The following PPHLN1 variants were observed in gnomAD, a reference collection of about 807,000 sequenced individuals.
PPHLN1 encodes the protein periphilin 1.
Under a neutral mutation model 51.3 loss-of-function variants are expected in PPHLN1, and 29 were observed. The ratio of observed to expected loss-of-function variants is 0.57; its 90% confidence interval spans 0.42 to 0.77. The LOEUF (loss-of-function observed/expected upper bound fraction) is 0.77. PPHLN1 is among the 30% of genes least tolerant of loss of function. The pLI is 0.00. For missense variants in PPHLN1, 436 were observed against 438.4 expected (o/e 0.99, Z 0.05); for synonymous variants, 147 against 147.8 (o/e 0.99, Z 0.04).
chr12:42,350,587 T>C lies in PPHLN1; in HGVS notation c.73-1298T>C, dbSNP rs566748768. Reference sequence around the variant, plus strand: ...TGGTGGCCGGGCAGAGGCTGCAATCTCAGCACTTTGGGAGGCCAAGGCAGG... The same window carrying C: ...TGGTGGCCGGGCAGAGGCTGCAATCCCAGCACTTTGGGAGGCCAAGGCAGG... On this transcript the variant is annotated intron_variant, in intron 2 of 9. Transcript: ENST00000358314. 2.8e-4 allele frequency among the ~76,000 whole-genome samples: 42 copies of C among 152,272 alleles called. No individual in the cohort carries two copies. In the East Asian group the frequency reaches 7.9e-3, roughly 29 times the overall value.
chr12:42,440,304 A>AT (rs1256300480), intron 9 of PPHLN1, among the ~76,000 whole-genome samples: 22 of 152,206 alleles, frequency 1.4e-4, no homozygotes, highest in African/African-American at 4.6e-4. Context: ...TAGGAAAGCA[A>AT]TTAATTGACT....
chr12:42,410,551 ATGTT>A (rs1382833276), intron 9 of PPHLN1, among the ~76,000 whole-genome samples: 1 of 152,190 alleles, frequency 6.6e-6, no homozygotes, highest in Admixed American at 6.5e-5. Context: ...CTTGCTGTAA[ATGTT>A]TGTTTAGCAG....
At chr12:42,409,578 T>G (rs2079618505) in intron 9 of PPHLN1, among the ~76,000 whole-genome samples, 1 of 152,284 alleles carries the variant, frequency 6.6e-6, no homozygotes, top group South Asian at 2.1e-4. Flanking sequence ...GTAAGGAATG[T>G]TTTCTTTCAT....
intron 9 of PPHLN1, among the ~76,000 whole-genome samples, chr12:42,430,324 G>A (rs2081928408): frequency 6.6e-6 from 1 of 151,574 alleles, no homozygotes; most frequent in South Asian, 2.1e-4. Context: ...GAACAACTCA[G>A]GGATTTGTGA....
intron 5 of PPHLN1, among the ~76,000 whole-genome samples, chr12:42,377,681 C>T (rs558934768): frequency 6.6e-6 from 1 of 152,070 alleles, no homozygotes; most frequent in Non-Finnish European, 1.5e-5. Flanking sequence ...AAGAAAGTAT[C>T]TTTGGAAACT....
chr12:42,350,971 A>AGGGAGAGG (rs528905383), intron 2 of PPHLN1, among the ~76,000 whole-genome samples: 4,062 of 150,482 alleles, frequency 0.027, 209 homozygotes, highest in African/African-American at 0.095. Context: ...GACGGAGAGG[A>AGGGAGAGG]GGGAGAGGGG....
At chr12:42,389,246 G>A (rs756477233) in intron 7 of PPHLN1, among the ~76,000 whole-genome samples, 3 of 152,066 alleles carry the variant, frequency 2.0e-5, no homozygotes, top group East Asian at 1.9e-4. Flanking sequence ...GGTGGCAGGC[G>A]CCTGTAGTCC....
intron 5 of PPHLN1, among the ~76,000 whole-genome samples, chr12:42,379,631 A>G (rs1014540519): frequency 2.6e-5 from 4 of 151,928 alleles, no homozygotes; most frequent in Non-Finnish European, 4.4e-5. Flanking sequence ...AGCCTAAGCT[A>G]TTTTCACATA....
At chr12:42,413,632 G>C (rs537811425) in intron 9 of PPHLN1, among the ~76,000 whole-genome samples, 1 of 150,916 alleles carries the variant, frequency 6.6e-6, no homozygotes, top group Non-Finnish European at 1.5e-5. Flanking sequence ...CGCCATCTCG[G>C]CTCACTGCAA....
At chr12:42,398,648 TAA>T (rs993491034) in intron 8 of PPHLN1, 172 of 345,754 alleles carry the variant, frequency 5.0e-4, no homozygotes, top group East Asian at 6.7e-4. Context: ...TGTTCCATAT[TAA>T]AAAAAAAAAA....
At chr12:42,397,336 T>A (rs1406102350) in intron 8 of PPHLN1, among the ~76,000 whole-genome samples, 2 of 152,224 alleles carry the variant, frequency 1.3e-5, no homozygotes, top group Non-Finnish European at 2.9e-5. Context: ...TTTTTTTGCC[T>A]AGTGATATAT....
intron 4 of PPHLN1, among the ~76,000 whole-genome samples, chr12:42,367,446 T>C (rs2075380720): frequency 6.6e-6 from 1 of 151,864 alleles, no homozygotes. Context: ...TAAGACACCA[T>C]GGAAAGGTCA....
At chr12:42,399,837 G>A (rs1330286023) in intron 9 of PPHLN1, 1 of 152,156 alleles carries the variant, frequency 6.6e-6, no homozygotes, top group Admixed American at 6.6e-5. Context: ...TCAAAATGAA[G>A]GTGGTGAGCA....
At chr12:42,390,369 G>A (rs550791275) in intron 7 of PPHLN1, among the ~76,000 whole-genome samples, 1 of 152,142 alleles carries the variant, frequency 6.6e-6, no homozygotes, top group South Asian at 2.1e-4. Context: ...TTCATGTCAG[G>A]TAATAGATGA....
intron 2 of PPHLN1, among the ~76,000 whole-genome samples, chr12:42,337,557 A>G (rs962963622): frequency 1.3e-5 from 2 of 149,976 alleles, no homozygotes; most frequent in South Asian, 4.2e-4. Flanking sequence ...TGGTCTCCCA[A>G]AGTTCTGGGA....
intron 7 of PPHLN1, among the ~76,000 whole-genome samples, chr12:42,391,278 G>A (rs543882484): frequency 7.2e-5 from 11 of 152,234 alleles, no homozygotes; most frequent in African/African-American, 1.2e-4. Context: ...TCACTCTGTC[G>A]TCCAGGCTGG....
chr12:42,439,237 T>C (rs952480720), intron 9 of PPHLN1, among the ~76,000 whole-genome samples: 2 of 152,238 alleles, frequency 1.3e-5, no homozygotes, highest in African/African-American at 4.8e-5. Flanking sequence ...GATCTGTGTC[T>C]AGATTATTTA....
chr12:42,438,446 T>C lies in PPHLN1; in HGVS notation c.910-2869T>C, dbSNP rs78733432. Among the ~76,000 whole-genome samples, 550 of 152,372 alleles carry C rather than the reference T, an allele frequency of 3.6e-3. 5 individuals carry two copies. Among genetic ancestry groups the C allele is most frequent in the African/African-American group, 0.013 (533 of 41,592 alleles). The stretch of plus-strand genomic sequence containing the variant: ...TAGATGTGTAGTGGTATCTCACTAC[T>C]CATCATCGTTTTAATTTTCAGTTTC... On this transcript the variant is annotated intron_variant, in intron 9 of 9. Coordinates refer to ENST00000358314, the MANE Select transcript of PPHLN1 (RefSeq NM_201439.2).
chr12:42,394,784 CAAT>C (rs1592691353), intron 8 of PPHLN1, among the ~76,000 whole-genome samples: 1 of 151,940 alleles, frequency 6.6e-6, no homozygotes, highest in Non-Finnish European at 1.5e-5. Flanking sequence ...AAAGCATGAA[CAAT>C]ACTTTTCAGT....
Sources: gnomAD v4.1 joint callset for allele counts (sites outside exome capture counted in the v4.1 genomes callset) on GRCh38, gnomAD v4.1.1 for gene constraint, MANE v1.5 for transcripts, NCBI Gene and HGNC (gene_info 2026-07-23, HGNC 2026-07-21) for gene names.